The following TMEM247 variants were observed in gnomAD, a reference collection of about 807,000 sequenced individuals.
TMEM247 encodes the protein transmembrane protein 247, also known as transmembrane protein ENSP00000343375.
In TMEM247, 23 loss-of-function variants were observed where a neutral mutation model predicts 20.7. The observed-to-expected ratio is 1.11, with a 90% CI of 0.80 to 1.57. The LOEUF (loss-of-function observed/expected upper bound fraction) is 1.57. Among genes scored for constraint, TMEM247 ranks in the 40% most tolerant of loss-of-function variants. The pLI, the probability that TMEM247 is intolerant of heterozygous loss-of-function variation, is 0.00. For synonymous variants in TMEM247, 106 were observed against 111.9 expected (o/e 0.95, Z 0.33); for missense variants, 354 against 283.8 (o/e 1.25, Z -1.78).
At chr2:46,480,747 G>A (rs12612916) in exon 2 of TMEM247, 86,146 of 1,537,242 alleles carry the variant, frequency 0.056, 9,351 homozygotes, top group East Asian at 0.55. Context: ...GCTGCAGCAA[G>A]AGGCGGCGCC....
chr2:46,480,321 G>C (rs1686854426), intron 1 of TMEM247, 84 bp from the exon 2 acceptor site: 1 of 1,400,980 alleles, frequency 7.1e-7, no homozygotes, highest in South Asian at 1.5e-5. Flanking sequence ...ACTGCGGCCT[G>C]GGGCTGCGGG....
chr2:46,483,883 G>A (rs1686937555), intron 2 of TMEM247, among the ~76,000 whole-genome samples: 1 of 152,098 alleles, frequency 6.6e-6, no homozygotes, highest in South Asian at 2.1e-4. Flanking sequence ...GAACTCTTGG[G>A]CTCAAGTGAT....
intron 2 of TMEM247, among the ~76,000 whole-genome samples, chr2:46,482,861 G>A (rs1201166640): frequency 6.6e-6 from 1 of 152,170 alleles, no homozygotes; most frequent in African/African-American, 2.4e-5. Flanking sequence ...TGGTCTAGTT[G>A]CCCTCACATT....
At chr2:46,479,844 C>G in intron 1 of TMEM247, 142 bp downstream of exon 1, 1 of 644,206 alleles carries the variant, frequency 1.6e-6, no homozygotes, top group Non-Finnish European at 2.8e-6. Flanking sequence ...CTGGCACCAG[C>G]TGTCACCAGG....
At chr2:46,480,501 T>C (rs1380010467) in exon 2 of TMEM247, 1 of 1,551,386 alleles carries the variant, frequency 6.4e-7, no homozygotes, top group East Asian at 2.4e-5. Flanking sequence ...TAAATCGCTG[T>C]CCCCCAAGTC....
At chr2:46,480,407 G>A (rs1221048735) in exon 2 of TMEM247, 3 of 1,541,292 alleles carry the variant, frequency 1.9e-6, no homozygotes, top group South Asian at 1.2e-5. Flanking sequence ...TACGCCAGGA[G>A]GCAGAGTCCC....
chr2:46,479,948 G>A (rs974906366), intron 1 of TMEM247, among the ~76,000 whole-genome samples: 2 of 152,112 alleles, frequency 1.3e-5, no homozygotes, highest in Non-Finnish European at 2.9e-5. Flanking sequence ...TCCTTGCTGG[G>A]TGGATAGGAC....
intron 2 of TMEM247, among the ~76,000 whole-genome samples, chr2:46,483,025 TGGAC>T (rs1318351506): frequency 1.3e-5 from 2 of 152,202 alleles, no homozygotes; most frequent in African/African-American, 4.8e-5. Flanking sequence ...GGTGAATAGA[TGGAC>T]GGACAGAGAG....
intron 2 of TMEM247, among the ~76,000 whole-genome samples, chr2:46,481,752 G>T (rs1176448559): frequency 6.6e-6 from 1 of 152,216 alleles, no homozygotes; most frequent in Non-Finnish European, 1.5e-5. Flanking sequence ...TCACTTTTCA[G>T]TTTTATTGGG....
At chr2:46,484,367 C>G in exon 3 of TMEM247, 2 of 1,552,426 alleles carry the variant, frequency 1.3e-6, no homozygotes, top group Non-Finnish European at 8.7e-7. Flanking sequence ...CTTCGCCAAG[C>G]ACTACCTATT....
chr2:46,482,986 T>C (rs1242585306), intron 2 of TMEM247, among the ~76,000 whole-genome samples: 1 of 152,208 alleles, frequency 6.6e-6, no homozygotes, highest in East Asian at 1.9e-4. Flanking sequence ...CTTGATGTTG[T>C]ACCTTCCTCT....
intron 2 of TMEM247, among the ~76,000 whole-genome samples, chr2:46,483,515 C>T (rs890489188): frequency 1.3e-5 from 2 of 152,164 alleles, no homozygotes; most frequent in African/African-American, 4.8e-5. Context: ...GGCCACTGTC[C>T]AGGAAACTAG....
chr2:46,480,902 G>T, intron 2 of TMEM247, 138 bp downstream of exon 2: 2 of 1,240,256 alleles, frequency 1.6e-6, no homozygotes, highest in Non-Finnish European at 1.1e-6. Flanking sequence ...GAAAGGGGCT[G>T]AGCATCCACT....
intron 2 of TMEM247, among the ~76,000 whole-genome samples, chr2:46,482,183 T>C (rs1444209283): frequency 6.6e-6 from 1 of 152,246 alleles, no homozygotes; most frequent in Non-Finnish European, 1.5e-5. Flanking sequence ...ATTATAAACA[T>C]GAAATGATTT....
rs114285517 is a variant in TMEM247, at chr2:46,481,940, C to A, written c.477+1176C>A. Among the ~76,000 whole-genome samples the A allele has an allele frequency of 2.2e-3, 330 of 152,316 alleles. 3 individuals are homozygous for A. The highest frequency in any genetic ancestry group is 6.1e-3 in the African/African-American group (252 of 41,560). On this transcript the variant is annotated intron_variant, in intron 2 of 2. Coordinates refer to ENST00000434431, the Ensembl canonical transcript of TMEM247. ...TCCATTAATCATCACCCTTGAGTTA[C>A]ATTTTATCCTGCTCACATTTCTCCA...
chr2:46,483,714 A>T (rs1193471195), intron 2 of TMEM247, among the ~76,000 whole-genome samples: 1 of 152,176 alleles, frequency 6.6e-6, no homozygotes, highest in Non-Finnish European at 1.5e-5. Context: ...GTAAAAAATG[A>T]TGAGTTCCTT....
intron 2 of TMEM247, among the ~76,000 whole-genome samples, chr2:46,481,487 G>C (rs1290279566): frequency 6.6e-6 from 1 of 152,204 alleles, no homozygotes; most frequent in South Asian, 2.1e-4. Flanking sequence ...AAGTCAGAAA[G>C]TCCTGGATTA....
chr2:46,483,797 A>G (rs1335673245), intron 2 of TMEM247, among the ~76,000 whole-genome samples: 1 of 151,938 alleles, frequency 6.6e-6, no homozygotes, highest in Non-Finnish European at 1.5e-5. Flanking sequence ...GTTTTGTTTT[A>G]TTTTTTTAAG....
At chr2:46,484,125 C>A (rs1686942298) in intron 2 of TMEM247, 119 bp from the exon 3 acceptor site, 1 of 911,494 alleles carries the variant, frequency 1.1e-6, no homozygotes, top group African/African-American at 1.7e-5. Flanking sequence ...ATTACCCTTT[C>A]TTTAGGTGAA....
Sources: allele counts gnomAD v4.1 joint callset (sites outside exome capture counted in the v4.1 genomes callset), GRCh38; gene constraint gnomAD v4.1.1; transcripts MANE v1.5; gene names NCBI Gene and HGNC (gene_info 2026-07-23, HGNC 2026-07-21).